The following MOV10L1 variants were observed in gnomAD, a reference collection of about 807,000 sequenced individuals.
MOV10L1 encodes Mov10 like RNA helicase 1, also known as RNA helicase Mov10l1.
A neutral mutation model predicts 143.8 loss-of-function variants in MOV10L1; 110 were observed. That is an observed-to-expected ratio of 0.76 (90% CI 0.66 to 0.90). The LOEUF (loss-of-function observed/expected upper bound fraction) is 0.90. Among genes scored for constraint, MOV10L1 ranks in the 40% least tolerant of loss-of-function variants. The pLI, the probability that MOV10L1 is intolerant of heterozygous loss-of-function variation, is 0.00. For missense variants in MOV10L1, 1,406 were observed against 1,526.8 expected, an observed-to-expected ratio of 0.92 and a Z score of 1.32; for synonymous variants, 593 against 581.1, an observed-to-expected ratio of 1.02 and a Z score of -0.29.
chr22:50,132,153 T>C (rs370988753), intron 13 of MOV10L1, among the ~76,000 whole-genome samples: 23 of 152,298 alleles, frequency 1.5e-4, no homozygotes, highest in Admixed American at 8.5e-4. Flanking sequence ...TAACATCACA[T>C]TGGGGATGAA....
At chr22:50,148,590 G>A (rs903963062) in intron 19 of MOV10L1, among the ~76,000 whole-genome samples, 1 of 152,164 alleles carries the variant, frequency 6.6e-6, no homozygotes, top group Admixed American at 6.5e-5. Context: ...CTCTGTAGCT[G>A]GGAACCTCAC....
intron 5 of MOV10L1, among the ~76,000 whole-genome samples, chr22:50,109,083 G>T (rs1053199794): frequency 6.6e-6 from 1 of 152,186 alleles, no homozygotes; most frequent in Non-Finnish European, 1.5e-5. Context: ...GGCAGAGGTT[G>T]CAGTGAGCTG....
chr22:50,100,252 T>C (rs7410337), intron 3 of MOV10L1, among the ~76,000 whole-genome samples: 34,119 of 151,984 alleles, frequency 0.22, 4,193 homozygotes, highest in Admixed American at 0.35. Context: ...CTCGGCCTCC[T>C]AAAGTGCTGG....
At position 50,150,857 on chromosome 22, in the gene MOV10L1, C is replaced by T. The variant is rs779267881; in HGVS notation, c.2850C>T (p.Asp950=). 28 of 1,614,090 alleles carry T rather than the reference C, an allele frequency of 1.7e-5. No individual in the cohort carries two copies. The highest frequency in any genetic ancestry group is 2.7e-5 in the African/African-American group (2 of 74,916). The change falls in exon 21 of 27, where the codon GAC becomes GAT. Residue 950 remains aspartate, a synonymous_variant. Coordinates refer to ENST00000262794, the MANE Select transcript of MOV10L1 (RefSeq NM_018995.3). ...RLMSRPAYQR[D]ENAFGACGAH... The stretch of plus-strand genomic sequence containing the variant: ...TGTCTCGACCCGCGTACCAGAGGGA[C>T]GAAAATGCTTTCGGTGCTTGTGGCG...
intron 22 of MOV10L1, among the ~76,000 whole-genome samples, chr22:50,157,761 C>CAAAA (rs35212822): frequency 5.0e-5 from 6 of 120,320 alleles, no homozygotes; most frequent in Non-Finnish European, 6.7e-5. Context: ...GGTCTAATAT[C>CAAAA]AAAAAAAAAA....
At chr22:50,110,322 G>A (rs1286571892) in intron 5 of MOV10L1, among the ~76,000 whole-genome samples, 7 of 149,482 alleles carry the variant, frequency 4.7e-5, no homozygotes, top group Admixed American at 3.3e-4. Context: ...GGTGGCCGGC[G>A]CCTGTAGTCC....
At chr22:50,145,570 A>T in intron 18 of MOV10L1, 119 bp from the exon 19 acceptor site, 1 of 1,346,042 alleles carries the variant, frequency 7.4e-7, no homozygotes, top group Non-Finnish European at 1.0e-6. Flanking sequence ...TATTTTGAGA[A>T]AAAAACCTTA....
At chr22:50,156,440 T>C (rs1235970055) in intron 22 of MOV10L1, among the ~76,000 whole-genome samples, 1 of 152,226 alleles carries the variant, frequency 6.6e-6, no homozygotes. Flanking sequence ...TAAAGTTTAA[T>C]AGTGTTAAGT....
intron 18 of MOV10L1, among the ~76,000 whole-genome samples, chr22:50,144,976 C>T (rs752887727): frequency 6.8e-6 from 1 of 148,116 alleles, no homozygotes. Context: ...AGTTTTTGCT[C>T]TTGTTGCCCA....
At chr22:50,137,829 AT>A (rs1011688438) in intron 15 of MOV10L1, among the ~76,000 whole-genome samples, 1 of 83,996 alleles carries the variant, frequency 1.2e-5, no homozygotes, top group African/African-American at 3.5e-5. Context: ...AAATATACAT[AT>A]TTTATATATA....
chr22:50,121,616 G>A (rs546535329), intron 10 of MOV10L1, among the ~76,000 whole-genome samples: 2 of 152,310 alleles, frequency 1.3e-5, no homozygotes, highest in Non-Finnish European at 2.9e-5. Context: ...CATGAGTCGC[G>A]AGCGCAGTCC....
chr22:50,119,463 T>TG (rs1302893338), intron 9 of MOV10L1, among the ~76,000 whole-genome samples: 2 of 152,140 alleles, frequency 1.3e-5, no homozygotes, highest in African/African-American at 4.8e-5. Context: ...AGATCTGTTC[T>TG]GGGGGGCTTT....
chr22:50,133,880 T>C lies in MOV10L1; in HGVS notation c.1911-127T>C, dbSNP rs182166931. ...TTTCTGTTCTCTATTTCATTGATTGTTGGATTGTTGCTGTGATTTTTTTAT... is the reference window on the plus strand; with the variant it reads ...TTTCTGTTCTCTATTTCATTGATTGCTGGATTGTTGCTGTGATTTTTTTAT... On this transcript the variant is annotated intron_variant, in intron 13 of 26. Coordinates refer to ENST00000262794, the MANE Select transcript of MOV10L1 (RefSeq NM_018995.3). 86 of 792,848 alleles carry C rather than the reference T, an allele frequency of 1.1e-4. No homozygotes were observed. In the African/African-American group the frequency reaches 1.4e-3, roughly 13 times the overall value. The allele number at this position is 792,848 out of a possible 1,614,324, so 49.1% of individuals were successfully genotyped here.
At chr22:50,116,473 G>T (rs1490567821) in intron 8 of MOV10L1, among the ~76,000 whole-genome samples, 3 of 151,710 alleles carry the variant, frequency 2.0e-5, no homozygotes, top group Non-Finnish European at 2.9e-5. Flanking sequence ...CCATAGGGGG[G>T]CACAAAGTGT....
chr22:50,161,378 G>T lies in MOV10L1; in HGVS notation c.3565G>T (p.Gly1189Trp). 1 of 1,598,368 alleles carries T rather than the reference G, an allele frequency of 6.3e-7. No individual in the cohort carries two copies. Among genetic ancestry groups the T allele is most frequent in the South Asian group, 1.1e-5 (1 of 88,546 alleles). Residue 1189 changes from glycine (G) to tryptophan (W), a missense_variant, in exon 27 of 27, where the codon GGG (glycine) becomes TGG (tryptophan). Gly to Trp is a radical substitution (Grantham distance 184, BLOSUM62 -2). Coordinates refer to ENST00000262794, the MANE Select transcript of MOV10L1 (RefSeq NM_018995.3). ...ALQSLQNCGEGVADPSYPVVP... is the reference protein window; with the variant it reads ...ALQSLQNCGEWVADPSYPVVP... ...CTCCTCTGTCTACAGCTGTGGCGAG[G>T]GGGTGGCAGACCCCTCCTACCCAGT...
intron 16 of MOV10L1, 133 bp from the exon 17 acceptor site, chr22:50,142,910 A>C: frequency 1.4e-6 from 1 of 733,030 alleles, no homozygotes. Context: ...GTCACACTGA[A>C]GAGCTACTCC....
At chr22:50,107,177 C>A (rs976496005) in intron 3 of MOV10L1, among the ~76,000 whole-genome samples, 2 of 151,524 alleles carry the variant, frequency 1.3e-5, no homozygotes, top group African/African-American at 4.9e-5. Context: ...CGGGTTCACG[C>A]CATTCTCCTG....
intron 6 of MOV10L1, 124 bp downstream of exon 6, chr22:50,113,912 CTTTTTTTTTT>C (rs67071955): frequency 2.3e-5 from 6 of 262,028 alleles, no homozygotes; most frequent in Admixed American, 2.1e-4. Flanking sequence ...AAGATCTTTT[CTTTTTTTTTT>C]TTTTTTTTTT....
rs996025466 is a variant in MOV10L1 at position 50,155,117 on chromosome 22, T to C, written c.3066+1899T>C. 1.3e-5 allele frequency among the ~76,000 whole-genome samples: 2 copies of C among 152,214 alleles called. 1 individual carries two copies. The highest frequency in any genetic ancestry group is 4.1e-4 in the South Asian group (2 of 4,834). On this transcript the variant is annotated intron_variant, in intron 22 of 26. Coordinates refer to ENST00000262794, the MANE Select transcript of MOV10L1 (RefSeq NM_018995.3). ...TGTTTCTCAGTTTAGAAGTTTCTGC[T>C]ATAAGTTTCCATCCCATTAATCTTT...
Sources: allele counts gnomAD v4.1 joint callset (sites outside exome capture counted in the v4.1 genomes callset), GRCh38; gene constraint gnomAD v4.1.1; transcripts MANE v1.5; gene names NCBI Gene and HGNC (gene_info 2026-07-23, HGNC 2026-07-21).